Variants in OTUD7A observed in about 807,000 individuals in gnomAD.
OTUD7A encodes the protein OTU domain-containing protein 7A.
Under a neutral mutation model 65.7 loss-of-function variants are expected in OTUD7A, and 12 were observed. The observed-to-expected ratio is 0.18, with a 90% confidence interval of 0.12 to 0.30. The LOEUF is 0.30. Ranked by LOEUF, OTUD7A falls within the 10% of genes least tolerant of loss-of-function variation. The pLI is 1.00. For missense variants in OTUD7A, 1,148 were observed against 1,304.8 expected (o/e 0.88, Z 1.85); for synonymous variants, 641 against 586.3 (o/e 1.09, Z -1.35).
At chr15:31,748,167 A>C (rs183115335) in intron 1 of OTUD7A, among the ~76,000 whole-genome samples, 3 of 151,920 alleles carry the variant, frequency 2.0e-5, no homozygotes, top group Admixed American at 2.0e-4. Flanking sequence ...TAGATACTAG[A>C]ATTGTATGTG....
chr15:31,835,591 C>T (rs1306399668), intron 1 of OTUD7A, among the ~76,000 whole-genome samples: 1 of 152,180 alleles, frequency 6.6e-6, no homozygotes, highest in Non-Finnish European at 1.5e-5. Flanking sequence ...ATATATTCCA[C>T]TTTGTTCTCC....
chr15:31,561,889 A>G (rs1888703675), intron 4 of OTUD7A, among the ~76,000 whole-genome samples: 2 of 152,162 alleles, frequency 1.3e-5, no homozygotes, highest in African/African-American at 2.4e-5. Context: ...ACCATGATCA[A>G]AGTTATGTCT....
chr15:31,770,229 A>G (rs1895197947), intron 1 of OTUD7A, among the ~76,000 whole-genome samples: 1 of 152,190 alleles, frequency 6.6e-6, no homozygotes. Context: ...TGAATGAAAG[A>G]GGGGACACTG....
intron 3 of OTUD7A, among the ~76,000 whole-genome samples, chr15:31,596,350 G>A (rs1384857213): frequency 6.6e-6 from 1 of 152,202 alleles, no homozygotes; most frequent in Admixed American, 6.5e-5. Context: ...ACTATCTACT[G>A]TGCGGATGCG....
intron 1 of OTUD7A, among the ~76,000 whole-genome samples, chr15:31,846,536 G>A (rs556060630): frequency 5.3e-5 from 8 of 152,042 alleles, no homozygotes; most frequent in Admixed American, 2.6e-4. Flanking sequence ...TGGCTCACTC[G>A]TCTCCAATGA....
intron 10 of OTUD7A, among the ~76,000 whole-genome samples, chr15:31,491,886 A>C (rs1227739639): frequency 1.3e-5 from 2 of 152,194 alleles, no homozygotes; most frequent in Non-Finnish European, 2.9e-5. Context: ...AAAAAAAAAA[A>C]CTGTTAATCT....
Position 31,483,448 on chromosome 15 carries a change from C to A in OTUD7A, c.2648G>T (p.Gly883Val). 1.4e-6 allele frequency: 2 copies of A among 1,381,680 alleles called. No individual in the cohort carries two copies. The highest frequency in any genetic ancestry group is 1.5e-5 in the African/African-American group (1 of 64,958). The allele number at this position is 1,381,680 out of a possible 1,614,324, so 85.6% of individuals were successfully genotyped here. Reference sequence around the variant, plus strand: ...CCCCGGGCCGCCACGGCCGCACTCACCGTTCGAGCGCGCGGTCGGCGCGTC... The same window carrying A: ...CCCCGGGCCGCCACGGCCGCACTCAACGTTCGAGCGCGCGGTCGGCGCGTC... Reference protein sequence around the residue: ...DADAPTARSNGECGRGGPGPV... With the variant: ...DADAPTARSNVECGRGGPGPV... The change falls in exon 13 of 13, where the codon GGT (glycine) becomes GTT (valine). Residue 883 changes from glycine (G) to valine (V), a missense_variant. Gly to Val is a moderately radical substitution (Grantham distance 109, BLOSUM62 -3). Around this residue, in one of 6 missense-constraint regions of OTUD7A, gnomAD observed 842 missense variants for 769.5 expected, o/e 1.09. Transcript: ENST00000307050.
intron 1 of OTUD7A, among the ~76,000 whole-genome samples, chr15:31,817,555 A>C (rs1896582283): frequency 6.6e-6 from 1 of 152,144 alleles, no homozygotes; most frequent in Non-Finnish European, 1.5e-5. Context: ...GAAAAACCCA[A>C]GGCTTTTGTT....
chr15:31,533,046 C>T (rs1056504407), intron 5 of OTUD7A, among the ~76,000 whole-genome samples: 1 of 151,416 alleles, frequency 6.6e-6, no homozygotes, highest in Non-Finnish European at 1.5e-5. Context: ...CTGAGCAAAC[C>T]CTAAACAGAA....
intron 5 of OTUD7A, among the ~76,000 whole-genome samples, chr15:31,536,683 T>C (rs1452433712): frequency 6.6e-6 from 1 of 152,224 alleles, no homozygotes; most frequent in Non-Finnish European, 1.5e-5. Flanking sequence ...TGTCATTCAT[T>C]TGCAGCAACA....
At chr15:31,627,227 C>A (rs1180888260) in intron 3 of OTUD7A, among the ~76,000 whole-genome samples, 1 of 147,868 alleles carries the variant, frequency 6.8e-6, no homozygotes, top group African/African-American at 2.5e-5. Context: ...TCTCCTAATG[C>A]TATCCCTCCC....
At position 31,570,439 on chromosome 15, in the gene OTUD7A, TCATACA is replaced by T. The variant is rs1484228129; in HGVS notation, c.152-248_152-243del. ...ATATACAGTCTCAGAGCCTTTAGGTTCATACACACACACACACACACACACACACAC... is the reference window on the plus strand; with the variant it reads ...ATATACAGTCTCAGAGCCTTTAGGTTCACACACACACACACACACACACAC... On this transcript the variant is annotated intron_variant, in intron 3 of 12. Coordinates refer to ENST00000307050, the MANE Select transcript of OTUD7A (RefSeq NM_001382637.1). Among the ~76,000 whole-genome samples, 4 of 119,540 alleles carry T rather than the reference TCATACA, an allele frequency of 3.3e-5. No homozygotes were observed. The South Asian group carries it at 8.0e-4, about 24-fold the overall frequency. The allele number at this position is 119,540 out of a possible 152,430, so 78.4% of individuals were successfully genotyped here.
intron 9 of OTUD7A, among the ~76,000 whole-genome samples, chr15:31,502,206 G>A (rs2041479380): frequency 2.0e-5 from 3 of 152,206 alleles, no homozygotes. Flanking sequence ...CTTCTCAAGG[G>A]TGTATATTTG....
chr15:31,503,661 G>T, intron 9 of OTUD7A, 30 bp downstream of exon 9: 1 of 1,613,672 alleles, frequency 6.2e-7, no homozygotes. Context: ...TCTGTGTCAT[G>T]AATACAACAC....
At chr15:31,724,773 T>C (rs1231643681) in intron 1 of OTUD7A, among the ~76,000 whole-genome samples, 1 of 152,178 alleles carries the variant, frequency 6.6e-6, no homozygotes, top group African/African-American at 2.4e-5. Flanking sequence ...CCCTGGATTA[T>C]GGTTGTTTGA....
intron 3 of OTUD7A, among the ~76,000 whole-genome samples, chr15:31,644,630 C>G (rs1891610879): frequency 6.6e-6 from 1 of 152,150 alleles, no homozygotes; most frequent in African/African-American, 2.4e-5. Flanking sequence ...TATATGCCAC[C>G]ATGCCCAGCT....
At chr15:31,630,729 T>C (rs1438488891) in intron 3 of OTUD7A, among the ~76,000 whole-genome samples, 2 of 152,136 alleles carry the variant, frequency 1.3e-5, no homozygotes, top group East Asian at 1.9e-4. Context: ...TCTAAGTCTC[T>C]TTGTAGGTCA....
chr15:31,662,401 A>C (rs1229369334), intron 1 of OTUD7A, among the ~76,000 whole-genome samples: 1 of 152,166 alleles, frequency 6.6e-6, no homozygotes, highest in African/African-American at 2.4e-5. Flanking sequence ...TTTTTTTGAA[A>C]TATTTTGCAT....
chr15:31,659,785 G>C (rs1595691875), intron 1 of OTUD7A, among the ~76,000 whole-genome samples: 1 of 152,228 alleles, frequency 6.6e-6, no homozygotes, highest in East Asian at 1.9e-4. Context: ...TGGGGAGTGG[G>C]AGCTCGCTCT....
Sources: gnomAD v4.1 joint callset for allele counts (sites outside exome capture counted in the v4.1 genomes callset) on GRCh38, gnomAD v4.1.1 for gene constraint, gnomAD v4.1.1 regional missense constraint, MANE v1.5 for transcripts, NCBI Gene and HGNC (gene_info 2026-07-23, HGNC 2026-07-21) for gene names.